Variants in RCAN2 observed in about 807,000 individuals in gnomAD.
RCAN2 encodes calcipressin-2.
Under a neutral mutation model 23.6 loss-of-function variants are expected in RCAN2, and 9 were observed. That is an observed-to-expected ratio of 0.38 (90% CI 0.23 to 0.67). RCAN2 has a LOEUF of 0.67. RCAN2 is among the 30% of genes least tolerant of loss of function. RCAN2 has a pLI of 0.51. For synonymous variants in RCAN2, 109 were observed against 115.7 expected, an observed-to-expected ratio of 0.94 and a Z score of 0.37; for missense variants, 273 against 302.3, an observed-to-expected ratio of 0.90 and a Z score of 0.72.
At chr6:46,348,204 G>A (rs1329328126) in intron 2 of RCAN2, among the ~76,000 whole-genome samples, 2 of 152,134 alleles carry the variant, frequency 1.3e-5, no homozygotes, top group Non-Finnish European at 2.9e-5. Context: ...AGATTCAATA[G>A]GCAATGAGAG....
At chr6:46,390,157 G>A (rs1765889797) in intron 2 of RCAN2, among the ~76,000 whole-genome samples, 1 of 152,114 alleles carries the variant, frequency 6.6e-6, no homozygotes. Flanking sequence ...GAAAACAAGG[G>A]GAAATTTTCA....
Position 46,338,378 on chromosome 6 carries a change from T to C in RCAN2, c.226-89482A>G, listed in dbSNP as rs144319013. Among the ~76,000 whole-genome samples, 631 of 152,218 alleles carry C rather than the reference T, an allele frequency of 4.1e-3. 2 individuals are homozygous for C. The highest frequency in any genetic ancestry group is 0.015 in the South Asian group (74 of 4,818). ...CCCTGTGACATTGTGTCACACCCTC[T>C]AGAGTCAAAAGTTCGGGTGTGGTGT... On this transcript the variant is annotated intron_variant, in intron 2 of 4. Transcript: ENST00000371374.
chr6:46,282,662 TAGG>T (rs952601293), intron 2 of RCAN2, among the ~76,000 whole-genome samples: 3 of 152,212 alleles, frequency 2.0e-5, no homozygotes, highest in Non-Finnish European at 4.4e-5. Flanking sequence ...ATCTAGAGCT[TAGG>T]AGGAGACGTT....
At chr6:46,267,872 G>A (rs1043019411) in intron 2 of RCAN2, among the ~76,000 whole-genome samples, 2 of 151,862 alleles carry the variant, frequency 1.3e-5, no homozygotes, top group African/African-American at 2.4e-5. Context: ...TTATAATACC[G>A]ATATCTAAAT....
chr6:46,479,578 C>T (rs932093788), intron 1 of RCAN2, among the ~76,000 whole-genome samples: 1 of 131,504 alleles, frequency 7.6e-6, no homozygotes, highest in Non-Finnish European at 1.6e-5. Context: ...TAGGGTCTGT[C>T]TCACCTTTTT....
At chr6:46,463,642 A>T (rs1443333734) in intron 1 of RCAN2, among the ~76,000 whole-genome samples, 2 of 152,216 alleles carry the variant, frequency 1.3e-5, no homozygotes, top group Non-Finnish European at 1.5e-5. Flanking sequence ...GATTAAACAT[A>T]CTCAAGAAAG....
At chr6:46,462,895 A>G (rs4714936) in intron 1 of RCAN2, among the ~76,000 whole-genome samples, 77,455 of 152,066 alleles carry the variant, frequency 0.51, 20,045 homozygotes, top group East Asian at 0.61. Context: ...TCATGAGAGC[A>G]GGGAGCCATG....
rs539765037 is a variant in RCAN2, at chr6:46,335,790, T to C, written c.226-86894A>G. On this transcript the variant is annotated intron_variant, in intron 2 of 4. Coordinates refer to ENST00000371374, the MANE Select transcript of RCAN2 (RefSeq NM_001251974.2). The stretch of plus-strand genomic sequence containing the variant: ...TCTGCATTTTGGTGTGATACCTACC[T>C]CTGTTTAGAATGTCATATTTATTAA... Among the ~76,000 whole-genome samples, 8 of 152,354 alleles carry C rather than the reference T, an allele frequency of 5.3e-5. No individual in the cohort carries two copies. In the East Asian group the frequency reaches 1.5e-3, roughly 29 times the overall value.
chr6:46,442,321 G>A (rs921979648), intron 2 of RCAN2, among the ~76,000 whole-genome samples: 2 of 152,202 alleles, frequency 1.3e-5, no homozygotes, highest in African/African-American at 2.4e-5. Context: ...CGATGGTTGT[G>A]TCTTTGTGTA....
intron 2 of RCAN2, among the ~76,000 whole-genome samples, chr6:46,443,405 T>A (rs4714935): frequency 0.62 from 94,620 of 151,882 alleles, 30,079 homozygotes; most frequent in African/African-American, 0.75. Flanking sequence ...GTTTTCTAGG[T>A]TCTTCCAGAG....
intron 2 of RCAN2, among the ~76,000 whole-genome samples, chr6:46,423,300 T>C (rs974357794): frequency 2.6e-5 from 4 of 152,188 alleles, no homozygotes; most frequent in Middle Eastern, 3.2e-3. Context: ...CTGTTGATTA[T>C]AGCAGACCAG....
At chr6:46,425,726 A>C (rs1767012849) in intron 2 of RCAN2, among the ~76,000 whole-genome samples, 1 of 152,144 alleles carries the variant, frequency 6.6e-6, no homozygotes, top group Admixed American at 6.6e-5. Flanking sequence ...CTTAAAAAAA[A>C]CAGCATATAT....
At chr6:46,234,694 C>T (rs1017671631) in intron 4 of RCAN2, among the ~76,000 whole-genome samples, 5 of 152,250 alleles carry the variant, frequency 3.3e-5, no homozygotes, top group Admixed American at 1.3e-4. Context: ...TTCCATGAAA[C>T]AAACTTTCAG....
At chr6:46,436,460 C>G (rs191714694) in intron 2 of RCAN2, among the ~76,000 whole-genome samples, 1 of 152,228 alleles carries the variant, frequency 6.6e-6, no homozygotes, top group African/African-American at 2.4e-5. Flanking sequence ...GGTGATCCAC[C>G]TGCCTTGGCC....
Position 46,305,042 on chromosome 6 carries a change from C to G in RCAN2, c.226-56146G>C, listed in dbSNP as rs372021582. 6.6e-5 allele frequency among the ~76,000 whole-genome samples: 10 copies of G among 152,236 alleles called. No individual in the cohort carries two copies. The East Asian group carries it at 1.9e-3, about 29-fold the overall frequency. The stretch of plus-strand genomic sequence containing the variant: ...GTCTCCTAGTCCCACCTAACTCAGT[C>G]TAGCCCCTGCTGCCATAGCCAATTC... On this transcript the variant is annotated intron_variant, in intron 2 of 4. Transcript: ENST00000371374.
At chr6:46,480,382 G>T (rs1215842649) in intron 1 of RCAN2, among the ~76,000 whole-genome samples, 2 of 152,144 alleles carry the variant, frequency 1.3e-5, no homozygotes, top group Non-Finnish European at 2.9e-5. Context: ...CAGTTGCTTT[G>T]TATCCAAGTT....
At chr6:46,293,954 T>C (rs1762641950) in intron 2 of RCAN2, among the ~76,000 whole-genome samples, 1 of 152,126 alleles carries the variant, frequency 6.6e-6, no homozygotes, top group South Asian at 2.1e-4. Context: ...TTTTTGAGAA[T>C]TGGAAAGACT....
At chr6:46,249,256 G>T (rs1469286452) in intron 2 of RCAN2, among the ~76,000 whole-genome samples, 1 of 150,704 alleles carries the variant, frequency 6.6e-6, no homozygotes, top group Non-Finnish European at 1.5e-5. Flanking sequence ...ACTGAGTAAA[G>T]CATATGGTAA....
intron 2 of RCAN2, among the ~76,000 whole-genome samples, chr6:46,364,081 G>C (rs1235639894): frequency 6.6e-6 from 1 of 152,152 alleles, no homozygotes; most frequent in Non-Finnish European, 1.5e-5. Flanking sequence ...TGACCTGAAA[G>C]GGTGTGTTCC....
Sources: gnomAD v4.1 joint callset for allele counts (sites outside exome capture counted in the v4.1 genomes callset) on GRCh38, gnomAD v4.1.1 for gene constraint, MANE v1.5 for transcripts, NCBI Gene and HGNC (gene_info 2026-07-23, HGNC 2026-07-21) for gene names.